The following GRIK1 variants were observed in gnomAD, a reference collection of about 807,000 sequenced individuals.
GRIK1 encodes glutamate ionotropic receptor kainate type subunit 1.
Under a neutral mutation model 105.7 loss-of-function variants are expected in GRIK1, and 69 were observed. That is an observed-to-expected ratio of 0.65 (90% CI 0.54 to 0.80). GRIK1 has a LOEUF of 0.80. Ranked by LOEUF, GRIK1 falls within the 30% of genes least tolerant of loss-of-function variation. GRIK1 has a pLI of 0.00. For synonymous variants in GRIK1, 438 were observed against 431.3 expected, an observed-to-expected ratio of 1.02 and a Z score of -0.19; for missense variants, 1,109 against 1,167.3, an observed-to-expected ratio of 0.95 and a Z score of 0.73.
chr21:29,682,619 A>G (rs992051214), intron 3 of GRIK1, among the ~76,000 whole-genome samples: 4 of 152,256 alleles, frequency 2.6e-5, no homozygotes, highest in African/African-American at 4.8e-5. Context: ...TTCACTATAT[A>G]CAAACATTAA....
chr21:29,554,975 A>G, intron 16 of GRIK1, 77 bp downstream of exon 16: 2 of 1,244,882 alleles, frequency 1.6e-6, no homozygotes, highest in Non-Finnish European at 2.3e-6. Flanking sequence ...AAAAGAGCAA[A>G]CATCCTTAAA....
intron 12 of GRIK1, among the ~76,000 whole-genome samples, chr21:29,586,651 A>G (rs2091136588): frequency 6.6e-6 from 1 of 152,230 alleles, no homozygotes. Flanking sequence ...TTAGCATCAA[A>G]AGTATTCAGA....
rs572028786 is a variant in GRIK1 at position 29,766,007 on chromosome 21, A to G, written c.119-71944T>C. On this transcript the variant is annotated intron_variant, in intron 1 of 17. Transcript: ENST00000327783. ...GCTGGGACTACAGGCGCCCGCCACC[A>G]CGCCCGGCTAATTTTTTGTATTTTT... Among the ~76,000 whole-genome samples, 12 of 151,924 alleles carry G rather than the reference A, an allele frequency of 7.9e-5. No individual in the cohort carries two copies. In the South Asian group the frequency reaches 1.0e-3, roughly 13 times the overall value.
At chr21:29,622,169 A>G (rs2146434984) in intron 7 of GRIK1, among the ~76,000 whole-genome samples, 1 of 151,624 alleles carries the variant, frequency 6.6e-6, no homozygotes, top group Admixed American at 6.6e-5. Context: ...CTGGTCTCAA[A>G]CTCCTGACCT....
intron 15 of GRIK1, among the ~76,000 whole-genome samples, chr21:29,560,512 C>T (rs1211249364): frequency 2.4e-4 from 7 of 29,474 alleles, no homozygotes; most frequent in African/African-American, 5.2e-4. Flanking sequence ...TCCTTCCTTC[C>T]TTCCTTCCTT....
intron 1 of GRIK1, among the ~76,000 whole-genome samples, chr21:29,767,812 A>ATG (rs754801254): frequency 0.013 from 1,843 of 145,798 alleles, 23 homozygotes; most frequent in African/African-American, 0.034. Flanking sequence ...ATTTGTATGT[A>ATG]TGTGTGTGTG....
intron 1 of GRIK1, among the ~76,000 whole-genome samples, chr21:29,889,868 CTAAGTA>C (rs556259874): frequency 6.4e-4 from 97 of 152,024 alleles, no homozygotes; most frequent in African/African-American, 2.3e-3. Context: ...GAAGATAAAG[CTAAGTA>C]TAAGTTTCTT....
At chr21:29,834,100 T>C (rs982707661) in intron 1 of GRIK1, among the ~76,000 whole-genome samples, 2 of 152,010 alleles carry the variant, frequency 1.3e-5, no homozygotes, top group Non-Finnish European at 2.9e-5. Flanking sequence ...AAGAAAGAAG[T>C]GAATGAATTG....
chr21:29,773,281 G>A (rs1476110300), intron 1 of GRIK1, among the ~76,000 whole-genome samples: 1 of 152,168 alleles, frequency 6.6e-6, no homozygotes, highest in African/African-American at 2.4e-5. Context: ...ACAGAGGGCT[G>A]TATTTTCTCT....
At chr21:29,636,582 G>A (rs1424182242) in intron 7 of GRIK1, among the ~76,000 whole-genome samples, 2 of 152,166 alleles carry the variant, frequency 1.3e-5, no homozygotes, top group Non-Finnish European at 2.9e-5. Context: ...ATTTCCAGAA[G>A]GGAGGTGACT....
intron 7 of GRIK1, among the ~76,000 whole-genome samples, chr21:29,616,448 A>C (rs1455091265): frequency 6.6e-6 from 1 of 152,228 alleles, no homozygotes; most frequent in Non-Finnish European, 1.5e-5. Context: ...AGCTGTGCCC[A>C]TCTGAGCACA....
rs373246434 is a variant in GRIK1, at chr21:29,728,964, A to T, written c.119-34901T>A. Among the ~76,000 whole-genome samples the T allele has an allele frequency of 2.4e-3, 361 of 152,292 alleles. 1 individual carries two copies. Among genetic ancestry groups the T allele is most frequent in the African/African-American group, 8.3e-3 (343 of 41,572 alleles). ...ATGATGTGAAAGAAGAGGCGATACCATATAAGTAGGTTCCAACTCATGAAT... is the reference window on the plus strand; with the variant it reads ...ATGATGTGAAAGAAGAGGCGATACCTTATAAGTAGGTTCCAACTCATGAAT... On this transcript the variant is annotated intron_variant, in intron 1 of 17. Transcript: ENST00000327783.
rs757575068 is a variant in GRIK1, at chr21:29,651,128, C to G, written c.944G>C (p.Gly315Ala). The change falls in exon 6 of 18, where the codon GGC becomes GCC. Residue 315 changes from glycine to alanine, a missense_variant. Around this residue, in one of 5 missense-constraint regions of GRIK1, gnomAD observed 612 missense variants for 586.0 expected, o/e 1.04. Coordinates refer to ENST00000327783, the MANE Select transcript of GRIK1 (RefSeq NM_001330994.2). Reference sequence around the variant, plus strand: ...TTGAAAATGACTTACTGTCATCATGCCATCCAAAAGGCCAGTCTCGGGCCT... The same window carrying G: ...TTGAAAATGACTTACTGTCATCATGGCATCCAAAAGGCCAGTCTCGGGCCT... ...PPRPETGLLD[G>A]MMTTEAALMY... 1.2e-6 allele frequency: 2 copies of G among 1,606,354 alleles called. No homozygotes were observed. The highest frequency in any genetic ancestry group is 2.7e-5 in the African/African-American group (2 of 74,470).
chr21:29,717,456 G>A (rs2064206606), intron 1 of GRIK1, among the ~76,000 whole-genome samples: 1 of 152,234 alleles, frequency 6.6e-6, no homozygotes, highest in Admixed American at 6.5e-5. Context: ...AGTTATCCAA[G>A]GCTGTGAGAG....
rs363430 is a variant in GRIK1 at position 29,598,863 on chromosome 21, G to A, written c.1173C>T (p.Asp391=). ...TNGLRKDFDL[D]IISLKEEGTE... is the part of the protein sequence containing the mutation. ...TTCCTTCCTCTTTGAGACTAATAAT[G>A]TCCAGATCAAAATCCTTCCTCAAGC... The change falls in exon 8 of 18, where the codon GAC becomes GAT. Residue 391 remains aspartate, a synonymous_variant. Transcript: ENST00000327783. 243,069 of 1,561,992 alleles carry A rather than the reference G, an allele frequency of 0.16. 21,848 individuals are homozygous for A. Among genetic ancestry groups the A allele is most frequent in the East Asian group, 0.34 (14,778 of 44,102 alleles).
chr21:29,894,213 G>T (rs1249935331), intron 1 of GRIK1, among the ~76,000 whole-genome samples: 2 of 152,104 alleles, frequency 1.3e-5, no homozygotes, highest in African/African-American at 4.8e-5. Flanking sequence ...ATGATCATAA[G>T]GTAAAGTCCC....
chr21:29,744,645 T>C (rs974722262), intron 1 of GRIK1, among the ~76,000 whole-genome samples: 1 of 152,034 alleles, frequency 6.6e-6, no homozygotes, highest in Non-Finnish European at 1.5e-5. Context: ...CATTCAGGTC[T>C]CAGGATAGAC....
intron 1 of GRIK1, among the ~76,000 whole-genome samples, chr21:29,921,950 G>T (rs964413850): frequency 2.6e-5 from 4 of 152,078 alleles, no homozygotes; most frequent in Non-Finnish European, 4.4e-5. Flanking sequence ...ATTTACCTTT[G>T]CTTTTGATAG....
At chr21:29,650,163 G>T (rs1469195243) in intron 6 of GRIK1, among the ~76,000 whole-genome samples, 1 of 152,126 alleles carries the variant, frequency 6.6e-6, no homozygotes, top group African/African-American at 2.4e-5. Flanking sequence ...CCTGAACATA[G>T]AATCATCCAG....
Sources: allele counts gnomAD v4.1 joint callset (sites outside exome capture counted in the v4.1 genomes callset), GRCh38; gene constraint gnomAD v4.1.1; regional missense constraint gnomAD v4.1.1; transcripts MANE v1.5; gene names NCBI Gene and HGNC (gene_info 2026-07-23, HGNC 2026-07-21).